DCXR: variants seen among roughly 807,000 people sequenced by gnomAD.
The protein encoded by DCXR is L-xylulose reductase.
DCXR carries 24 observed loss-of-function variants against 25.9 expected under a neutral mutation model. The ratio of observed to expected loss-of-function variants is 0.93; its 90% confidence interval spans 0.67 to 1.30. The LOEUF is 1.30. Ranked by LOEUF, DCXR falls within the 50% of genes most tolerant of loss-of-function variation. The pLI, the probability that DCXR is intolerant of heterozygous loss-of-function variation, is 0.00. For synonymous variants in DCXR, 161 were observed against 141.7 expected (o/e 1.14, Z -0.97); for missense variants, 348 against 333.7 (o/e 1.04, Z -0.33).
At chr17:82,037,098 G>T in intron 2 of DCXR, 85 bp from the exon 3 acceptor site, 1 of 1,512,330 alleles carries the variant, frequency 6.6e-7, no homozygotes, top group Non-Finnish European at 9.0e-7. Context: ...CCTTTCAGCC[G>T]GACAAGTAAA....
At chr17:82,036,491 T>C (rs770388738) in intron 5 of DCXR, 43 bp from the exon 6 acceptor site, 1 of 1,612,102 alleles carries the variant, frequency 6.2e-7, no homozygotes, top group Non-Finnish European at 8.5e-7. Flanking sequence ...GGGTCGGTGA[T>C]GAGGGCGAGG....
Position 82,036,038 on chromosome 17 carries a change from G to A in DCXR, c.657C>T (p.Ile219=), listed in dbSNP as rs1363347101. 8 of 1,613,216 alleles carry A rather than the reference G, an allele frequency of 5.0e-6. No individual in the cohort carries two copies. The African/African-American group carries it at 8.0e-5, about 16-fold the overall frequency. The change falls in exon 8 of 8, where the codon ATC becomes ATT. Residue 219 remains isoleucine, a synonymous_variant. Transcript: ENST00000306869. ...CACTTCGGTCACTCAGCAGAAAGAG[G>A]ATGGCGTTCACCACGTGCTCTACCT... ...FAEVEHVVNA[I]LFLLSDRSGM...
chr17:82,037,131 T>A, intron 2 of DCXR, 118 bp from the exon 3 acceptor site: 2 of 1,349,096 alleles, frequency 1.5e-6, no homozygotes, highest in Non-Finnish European at 2.0e-6. Context: ...TCCGAAGGTG[T>A]CGGGACTGTG....
At position 82,037,502 on chromosome 17, in the gene DCXR, C is replaced by T; in HGVS notation, c.98G>A (p.Arg33Gln). 1 of 1,540,244 alleles carries T rather than the reference C, an allele frequency of 6.5e-7. No homozygotes were observed. The highest frequency in any genetic ancestry group is 2.4e-5 in the East Asian group (1 of 40,880). The change falls in exon 2 of 8, where the codon CGG (arginine) becomes CAG (glutamine). Residue 33 changes from arginine to glutamine, a missense_variant. Physicochemically the swap from Arg to Gln is conservative, Grantham distance 43 (BLOSUM62 1). Coordinates refer to ENST00000306869, the MANE Select transcript of DCXR (RefSeq NM_016286.4). Reference sequence around the variant, plus strand: ...CTGAGTCCGGCTCACAGCCACCACCCGCGCGCCCGTCGCGTGCAGCGCCTG... The same window carrying T: ...CTGAGTCCGGCTCACAGCCACCACCTGCGCGCCCGTCGCGTGCAGCGCCTG... The part of the protein sequence containing the change: ...TVQALHATGA[R>Q]VVAVSRTQAD...
rs1598461576 is a variant in DCXR at position 82,036,777 on chromosome 17, G to A, written c.306-14C>T. On this transcript the variant is annotated splice_polypyrimidine_tract_variant and intron_variant, in intron 3 of 7. Transcript: ENST00000306869. ...ACCTCAAAGGATCTAGAGGCCGAGG[G>A]ACAGACCCTGGTCAGAGATTAGGGC... 6.2e-7 allele frequency: 1 copy of A among 1,613,554 alleles called. No individual in the cohort carries two copies. The highest frequency in any genetic ancestry group is 8.5e-7 in the Non-Finnish European group (1 of 1,180,012).
chr17:82,037,402 C>A, intron 2 of DCXR, 48 bp downstream of exon 2: 1 of 1,498,806 alleles, frequency 6.7e-7, no homozygotes, highest in Non-Finnish European at 8.9e-7. Context: ...TCGCTGCCGC[C>A]CCCTCCTGGC....
chr17:82,035,988 G>T lies in DCXR; in HGVS notation c.707C>A (p.Pro236Gln). The T allele has an allele frequency of 1.2e-6, 2 of 1,613,224 alleles. No individual in the cohort carries two copies. Among genetic ancestry groups the T allele is most frequent in the Non-Finnish European group, 1.7e-6 (2 of 1,179,978 alleles). Residue 236 changes from proline (P) to glutamine (Q), a missense_variant, in exon 8 of 8, where the codon CCG becomes CAG. Coordinates refer to ENST00000306869, the MANE Select transcript of DCXR (RefSeq NM_016286.4). ...GCAGGCCCAGAAGCCCCCTTCCACC[G>T]GCAAAGTGGAACCCGTGGTCATGCC... is the stretch of plus-strand genomic sequence containing the variant. ...RSGMTTGSTL[P>Q]VEGGFWAC
chr17:82,036,440 T>C lies in DCXR; in HGVS notation c.457A>G (p.Lys153Glu), dbSNP rs764030303. 1 of 1,613,010 alleles carries C rather than the reference T, an allele frequency of 6.2e-7. No homozygotes were observed. Among genetic ancestry groups the C allele is most frequent in the Non-Finnish European group, 8.5e-7 (1 of 1,179,868 alleles). The change falls in exon 6 of 8, where the codon AAG (lysine) becomes GAG (glutamate). Residue 153 changes from lysine (K) to glutamate (E), a missense_variant. Coordinates refer to ENST00000306869, the MANE Select transcript of DCXR (RefSeq NM_016286.4). ...TTGGTCAGCATGTCCAGGGCACCCTTGGTGGAGCCTACGAAGAGGAACCCA... is the reference window on the plus strand; with the variant it reads ...TTGGTCAGCATGTCCAGGGCACCCTCGGTGGAGCCTACGAAGAGGAACCCA... Reference protein sequence around the residue: ...VTNHSVYCSTKGALDMLTKVM... With the variant: ...VTNHSVYCSTEGALDMLTKVM...
chr17:82,037,676 G>C lies in DCXR; in HGVS notation c.7C>G (p.Leu3Val), dbSNP rs957685876. ...AGCACCCGGCGGCCCGCGAGGAACA[G>C]CTCCATGTCGGCGCAGTCTCCGCCC... MELFLAGRRVLVT... is the reference protein window; with the variant it reads MEVFLAGRRVLVT... The change falls in exon 1 of 8, where the codon CTG becomes GTG. Residue 3 changes from leucine to valine, a missense_variant. Physicochemically the swap from Leu to Val is conservative, Grantham distance 32. Transcript: ENST00000306869. The C allele has an allele frequency of 3.8e-6, 6 of 1,591,034 alleles. No homozygotes were observed. The African/African-American group carries it at 5.4e-5, about 14-fold the overall frequency.
chr17:82,036,640 C>T lies in DCXR; in HGVS notation c.352G>A (p.Val118Met). ...CCCCGGGCTATTAAGCCCCTGGCCACAATCTGGAATCGCAGCGAGACCGTG... is the reference window on the plus strand; with the variant it reads ...CCCCGGGCTATTAAGCCCCTGGCCATAATCTGGAATCGCAGCGAGACCGTG... ...LRAVIQVSQI[V>M]ARGLIARGVP... The change falls in exon 5 of 8, where the codon GTG (valine) becomes ATG (methionine). Residue 118 changes from valine to methionine, a missense_variant. Transcript: ENST00000306869. 6.2e-7 allele frequency: 1 copy of T among 1,613,366 alleles called. No individual in the cohort carries two copies. Among genetic ancestry groups the T allele is most frequent in the Non-Finnish European group, 8.5e-7 (1 of 1,180,004 alleles).
chr17:82,037,452 C>A lies in DCXR; in HGVS notation c.148G>T (p.Glu50Ter), dbSNP rs758757097. Residue 50 changes from glutamate to a stop codon, truncating the protein, a stop_gained and splice_region_variant, in exon 2 of 8, where the codon GAG (glutamate) becomes TAG (stop). Transcript: ENST00000306869. LOFTEE classifies it high-confidence loss of function. ...TQADLDSLVR[E>*]CPGIEPVCVD... is the part of the protein sequence containing the mutation. ...CGCTGGGACCCGGCGGGACCTACCTCGCGGACAAGGCTGTCAAGATCCGCC... is the reference window on the plus strand; with the variant it reads ...CGCTGGGACCCGGCGGGACCTACCTAGCGGACAAGGCTGTCAAGATCCGCC... 2.0e-6 allele frequency: 3 copies of A among 1,527,614 alleles called. No homozygotes were observed. In the South Asian group the frequency reaches 3.6e-5, roughly 18 times the overall value. 94.6% of individuals were successfully genotyped at this position (1,527,614 alleles called of 1,614,324 possible).
rs2043499260 is a variant in DCXR, at chr17:82,036,983, G to C, written c.181C>G (p.Leu61Val). The change falls in exon 3 of 8, where the codon CTG (leucine) becomes GTG (valine). Residue 61 changes from leucine to valine, a missense_variant. By Grantham distance (32) the Leu-to-Val change is conservative (BLOSUM62 1). Transcript: ENST00000306869. ...CGCTCGGTGGCCTCCCAGTCACCCA[G>C]GTCCACGCACACGGGTTCTATCCCC... ...CPGIEPVCVD[L>V]GDWEATERAL... is the part of the protein sequence containing the mutation. 6.3e-7 allele frequency: 1 copy of C among 1,581,436 alleles called. No individual in the cohort carries two copies. Among genetic ancestry groups the C allele is most frequent in the Non-Finnish European group, 8.6e-7 (1 of 1,164,606 alleles).
chr17:82,036,578 G>T lies in DCXR; in HGVS notation c.414C>A (p.Cys138Ter). The change falls in exon 5 of 8, where the codon TGC (cysteine) becomes TGA (stop). Residue 138 changes from cysteine (C) to a stop codon, truncating the protein, a stop_gained. Transcript: ENST00000306869. LOFTEE classifies it high-confidence loss of function. ...TATGGTTAGTTACTGCCCGCTGGGA[G>T]CACTGGCTGGAGACATTCACGATGG... ...PGAIVNVSSQCSQRAVTNHSV... is the reference protein window; with the variant it reads ...PGAIVNVSSQ 2 of 1,613,156 alleles carry T rather than the reference G, an allele frequency of 1.2e-6. No homozygotes were observed. The highest frequency in any genetic ancestry group is 8.5e-7 in the Non-Finnish European group (1 of 1,179,992).
intron 2 of DCXR, 189 bp from the exon 3 acceptor site, chr17:82,037,202 C>A (rs2043502543): frequency 1.2e-6 from 1 of 864,054 alleles, no homozygotes; most frequent in African/African-American, 1.7e-5. Context: ...CGAGCGACTC[C>A]TGCCCGGGGC....
Position 82,036,656 on chromosome 17 carries a change from C to G in DCXR, c.349-13G>C, listed in dbSNP as rs1446446602. 1.2e-6 allele frequency: 2 copies of G among 1,613,244 alleles called. No individual in the cohort carries two copies. The highest frequency in any genetic ancestry group is 1.7e-6 in the Non-Finnish European group (2 of 1,179,988). ...CCCTGGCCACAATCTGGAATCGCAG[C>G]GAGACCGTGAGGCAGAGCTGGCATC... On this transcript the variant is annotated splice_polypyrimidine_tract_variant and intron_variant, in intron 4 of 7. Coordinates refer to ENST00000306869, the MANE Select transcript of DCXR (RefSeq NM_016286.4).
chr17:82,036,133 C>T (rs1364512099), intron 7 of DCXR, 58 bp downstream of exon 7: 1 of 1,602,902 alleles, frequency 6.2e-7, no homozygotes, highest in South Asian at 1.1e-5. Flanking sequence ...CCCACCCCTA[C>T]CCAGGGCACA....
In DCXR at chr17:82,036,005, G is replaced by A; in HGVS notation, c.690C>T (p.Thr230=). 1.9e-6 allele frequency: 3 copies of A among 1,613,358 alleles called. No individual in the cohort carries two copies. The highest frequency in any genetic ancestry group is 2.5e-6 in the Non-Finnish European group (3 of 1,180,014). The change falls in exon 8 of 8, where the codon ACC becomes ACT. Residue 230 remains threonine, a synonymous_variant. Transcript: ENST00000306869. ...CTTCCACCGGCAAAGTGGAACCCGT[G>A]GTCATGCCACTTCGGTCACTCAGCA... ...LFLLSDRSGM[T]TGSTLPVEGG... is the part of the protein sequence containing the mutation.
chr17:82,036,514 T>C, intron 5 of DCXR, 30 bp downstream of exon 5: 2 of 1,611,376 alleles, frequency 1.2e-6, no homozygotes, highest in Non-Finnish European at 1.7e-6. Flanking sequence ...GGGGCTGGGG[T>C]GGGGCTGAGG....
chr17:82,036,306 G>T lies in DCXR; in HGVS notation c.516C>A (p.Ile172=). ...VMALELGPHK[I]RVNAVNPTVV... ...CTGTGGGGTTTACTGCATTCACTCG[G>T]ATCTACACCGGGACAGCTGGGGTCA... is the stretch of plus-strand genomic sequence containing the variant. The change falls in exon 7 of 8, where the codon ATC becomes ATA. Residue 172 remains isoleucine (I), a splice_region_variant and synonymous_variant. Coordinates refer to ENST00000306869, the MANE Select transcript of DCXR (RefSeq NM_016286.4). 1 of 1,613,528 alleles carries T rather than the reference G, an allele frequency of 6.2e-7. No individual in the cohort carries two copies. Among genetic ancestry groups the T allele is most frequent in the East Asian group, 2.2e-5 (1 of 44,890 alleles).
Sources: allele counts gnomAD v4.1 joint callset, GRCh38; gene constraint gnomAD v4.1.1; transcripts MANE v1.5; gene names NCBI Gene and HGNC (gene_info 2026-07-23, HGNC 2026-07-21).